CHRM5: variants seen among roughly 807,000 people sequenced by gnomAD.
The protein encoded by CHRM5 is cholinergic receptor muscarinic 5, also known as muscarinic acetylcholine receptor M5.
A neutral mutation model predicts 39.0 loss-of-function variants in CHRM5; 18 were observed. The ratio of observed to expected loss-of-function variants is 0.46; its 90% CI spans 0.32 to 0.68. The LOEUF (loss-of-function observed/expected upper bound fraction) is 0.68, where lower values mean the gene tolerates loss of function less well. CHRM5 is among the 30% of genes least tolerant of loss of function. CHRM5 has a pLI of 0.04. For missense variants in CHRM5, 515 were observed against 651.1 expected, an observed-to-expected ratio of 0.79 and a Z score of 2.28; for synonymous variants, 241 against 246.3, an observed-to-expected ratio of 0.98 and a Z score of 0.20.
rs577951205 is a variant in CHRM5 at position 33,975,062 on chromosome 15, A to G, written c.-408+5912A>G. On this transcript the variant is annotated intron_variant, in intron 1 of 2. Transcript: ENST00000383263. ...TCTTTCAAACACCATCTTAGATAAA[A>G]TATCAAGATATAAGACATATAAGAG... Among the ~76,000 whole-genome samples, 4 of 152,300 alleles carry G rather than the reference A, an allele frequency of 2.6e-5. 1 individual carries two copies. In the South Asian group the frequency reaches 8.3e-4, roughly 32 times the overall value.
At chr15:33,987,895 C>T (rs910209998) in intron 1 of CHRM5, among the ~76,000 whole-genome samples, 4 of 152,214 alleles carry the variant, frequency 2.6e-5, no homozygotes, top group Non-Finnish European at 5.9e-5. Flanking sequence ...CCAGGTCCTG[C>T]TGGGTCTGCA....
intron 1 of CHRM5, among the ~76,000 whole-genome samples, chr15:34,039,961 C>G (rs552182823): frequency 5.3e-5 from 8 of 152,290 alleles, no homozygotes; most frequent in Middle Eastern, 6.8e-3. Flanking sequence ...TACACAGATG[C>G]ATGAAAGCAG....
chr15:34,022,443 C>T (rs987885036), intron 1 of CHRM5, among the ~76,000 whole-genome samples: 2 of 152,150 alleles, frequency 1.3e-5, no homozygotes, highest in African/African-American at 4.8e-5. Context: ...AAGGCGCCTA[C>T]AGAAGGGAGA....
At chr15:34,034,623 G>A (rs1899031982) in intron 1 of CHRM5, among the ~76,000 whole-genome samples, 1 of 151,932 alleles carries the variant, frequency 6.6e-6, no homozygotes, top group African/African-American at 2.4e-5. Flanking sequence ...AATTTTTTTA[G>A]GCAGAATACA....
At chr15:33,981,223 C>A (rs188738340) in intron 1 of CHRM5, among the ~76,000 whole-genome samples, 1 of 152,104 alleles carries the variant, frequency 6.6e-6, no homozygotes, top group African/African-American at 2.4e-5. Context: ...AAATATGAAG[C>A]GGATGAATTT....
chr15:34,043,853 C>T (rs1318578167), intron 1 of CHRM5, among the ~76,000 whole-genome samples: 1 of 152,174 alleles, frequency 6.6e-6, no homozygotes, highest in African/African-American at 2.4e-5. Context: ...ATTACCACAA[C>T]TCCCAGCCTA....
intron 1 of CHRM5, among the ~76,000 whole-genome samples, chr15:34,043,747 TCTC>T (rs1159303795): frequency 1.3e-5 from 2 of 152,220 alleles, no homozygotes; most frequent in South Asian, 2.1e-4. Context: ...GACAATATCT[TCTC>T]CTCTCTCCTT....
intron 1 of CHRM5, among the ~76,000 whole-genome samples, chr15:33,995,997 C>G (rs1185819391): frequency 7.1e-6 from 1 of 141,410 alleles, no homozygotes; most frequent in African/African-American, 2.7e-5. Context: ...GCTTTTCCAA[C>G]AGTCTTAGCA....
intron 1 of CHRM5, among the ~76,000 whole-genome samples, chr15:34,020,470 T>C (rs1340557550): frequency 6.6e-6 from 1 of 152,234 alleles, no homozygotes; most frequent in Non-Finnish European, 1.5e-5. Context: ...TTAAAGCATG[T>C]AGATCATCTG....
intron 1 of CHRM5, among the ~76,000 whole-genome samples, chr15:33,978,803 G>A (rs780635005): frequency 6.6e-6 from 1 of 151,976 alleles, no homozygotes; most frequent in Non-Finnish European, 1.5e-5. Context: ...ATATTAGAAG[G>A]ATATATTAAT....
At chr15:34,041,717 G>A (rs374366859) in intron 1 of CHRM5, among the ~76,000 whole-genome samples, 17 of 152,180 alleles carry the variant, frequency 1.1e-4, no homozygotes, top group African/African-American at 1.7e-4. Context: ...CACTTTCCAC[G>A]TACTAACTCA....
chr15:34,038,673 C>G, intron 1 of CHRM5: 1 of 978,092 alleles, frequency 1.0e-6, no homozygotes. Flanking sequence ...CGCCGCCGCC[C>G]GTCTGGCGCG....
At chr15:34,040,001 A>C (rs536629026) in intron 1 of CHRM5, among the ~76,000 whole-genome samples, 24 of 152,310 alleles carry the variant, frequency 1.6e-4, no homozygotes, top group African/African-American at 5.8e-4. Context: ...ACCACCTGAA[A>C]ATAATGAAAG....
At chr15:34,054,584 C>T (rs1004244703) in intron 2 of CHRM5, among the ~76,000 whole-genome samples, 5 of 152,060 alleles carry the variant, frequency 3.3e-5, no homozygotes, top group Admixed American at 6.6e-5. Context: ...GAACAGAAAA[C>T]GAAAACTAAA....
chr15:33,977,007 T>G (rs1162387905), intron 1 of CHRM5, among the ~76,000 whole-genome samples: 3 of 152,118 alleles, frequency 2.0e-5, no homozygotes, highest in Admixed American at 2.0e-4. Context: ...AGAAAAGAGA[T>G]AGCTAAACTC....
At chr15:33,974,431 A>G (rs1215553731) in intron 1 of CHRM5, among the ~76,000 whole-genome samples, 2 of 152,212 alleles carry the variant, frequency 1.3e-5, no homozygotes, top group Non-Finnish European at 2.9e-5. Context: ...GCCAACATAC[A>G]ATATACCAAC....
chr15:34,035,654 T>C (rs1899080772), intron 1 of CHRM5, among the ~76,000 whole-genome samples: 1 of 152,162 alleles, frequency 6.6e-6, no homozygotes, highest in Non-Finnish European at 1.5e-5. Flanking sequence ...CTGTTATTAC[T>C]AGAGGAAGGA....
intron 2 of CHRM5, among the ~76,000 whole-genome samples, chr15:34,057,240 G>A (rs1415594238): frequency 6.6e-6 from 1 of 151,226 alleles, no homozygotes; most frequent in Non-Finnish European, 1.5e-5. Context: ...AGGTTCAAGC[G>A]ATTCTCCTGC....
chr15:34,018,438 T>G (rs1850664410), intron 1 of CHRM5: 5 of 152,284 alleles, frequency 3.3e-5, no homozygotes, highest in Admixed American at 3.3e-4. Flanking sequence ...TCTCCCTGAC[T>G]TCAGAAGTGA....
Sources: gnomAD v4.1 joint callset for allele counts (sites outside exome capture counted in the v4.1 genomes callset) on GRCh38, gnomAD v4.1.1 for gene constraint, MANE v1.5 for transcripts, NCBI Gene and HGNC (gene_info 2026-07-23, HGNC 2026-07-21) for gene names.